NMU: variants seen among roughly 807,000 people sequenced by gnomAD.
The protein encoded by NMU is neuromedin-U.
In NMU, 29 loss-of-function variants were observed where a neutral mutation model predicts 35.4. The ratio of observed to expected loss-of-function variants is 0.82; its 90% CI spans 0.61 to 1.12. The LOEUF is 1.12. NMU is among the 50% of genes most tolerant of loss of function. NMU has a pLI of 0.00. For missense variants in NMU, 199 were observed against 206.2 expected, an observed-to-expected ratio of 0.97 and a Z score of 0.21; for synonymous variants, 78 against 81.3, an observed-to-expected ratio of 0.96 and a Z score of 0.22.
Position 55,616,400 on chromosome 4 carries a change from A to G in NMU, c.172-15T>C. 1 of 1,601,006 alleles carries G rather than the reference A, an allele frequency of 6.2e-7. No individual in the cohort carries two copies. The highest frequency in any genetic ancestry group is 8.6e-7 in the Non-Finnish European group (1 of 1,168,080). ...GTATCATCTATCTGTAGAAAACAAA[A>G]ATGTCAGTTACATCCTGGGAATGGA... is the stretch of plus-strand genomic sequence containing the variant. On this transcript the variant is annotated splice_polypyrimidine_tract_variant and intron_variant, in intron 2 of 9. Coordinates refer to ENST00000264218, the MANE Select transcript of NMU (RefSeq NM_006681.4).
chr4:55,636,453 C>G (rs1715938318), upstream of NMU: 2 of 440,678 alleles, frequency 4.5e-6, no homozygotes, highest in East Asian at 4.0e-5. The surrounding 1 kb of genome is among the most constrained non-coding windows in gnomAD (Gnocchi z 4.0). Context: ...CAGCAGGACC[C>G]GAGCCCCCTA....
chr4:55,596,533 G>T (rs1327705287), intron 9 of NMU, among the ~76,000 whole-genome samples: 1 of 151,710 alleles, frequency 6.6e-6, no homozygotes, highest in Non-Finnish European at 1.5e-5. Flanking sequence ...TATTATAAAA[G>T]ATAAAATAGT....
chr4:55,630,801 A>AT (rs1734723957), intron 1 of NMU, among the ~76,000 whole-genome samples: 1 of 152,124 alleles, frequency 6.6e-6, no homozygotes, highest in Non-Finnish European at 1.5e-5. Context: ...AAACACCAAC[A>AT]TCATTTTTTA....
chr4:55,635,754 CG>C (rs1008661501), intron 1 of NMU, among the ~76,000 whole-genome samples: 102 of 152,374 alleles, frequency 6.7e-4, no homozygotes, highest in Admixed American at 2.4e-3. Flanking sequence ...CCCGTTTCCA[CG>C]GGCCGGGGGG....
rs1560513427 is a variant in NMU, at chr4:55,603,939, A to ATATATGTGTATATATATACG, written c.435+1335_435+1336insCGTATATATATACACATATA. On this transcript the variant is annotated intron_variant, in intron 7 of 9. Transcript: ENST00000264218. ...AAAAAAAAAAAAAATATATATATAT[A>ATATATGTGTATATATATACG]TATATATGTATATATGTGTATATAT... Among the ~76,000 whole-genome samples the ATATATGTGTATATATATACG allele has an allele frequency of 5.0e-4, 32 of 63,842 alleles. 3 individuals carry two copies. Among genetic ancestry groups the ATATATGTGTATATATATACG allele is most frequent in the African/African-American group, 1.8e-3 (30 of 16,392 alleles). The allele number at this position is 63,842 out of a possible 152,430, so 41.9% of individuals were successfully genotyped here.
intron 1 of NMU, among the ~76,000 whole-genome samples, chr4:55,632,434 G>T (rs1178906780): frequency 1.3e-5 from 2 of 152,072 alleles, no homozygotes; most frequent in African/African-American, 4.8e-5. Flanking sequence ...ACTTATAAAG[G>T]TCATGCAGTC....
At chr4:55,631,718 A>G (rs1482805079) in intron 1 of NMU, among the ~76,000 whole-genome samples, 2 of 152,240 alleles carry the variant, frequency 1.3e-5, no homozygotes, top group East Asian at 1.9e-4. Context: ...ACTGGTGGGA[A>G]TGTAAACTAG....
chr4:55,610,796 G>A (rs536449936), intron 3 of NMU, among the ~76,000 whole-genome samples: 29 of 152,224 alleles, frequency 1.9e-4, no homozygotes, highest in African/African-American at 2.6e-4. Context: ...GATAGAATGC[G>A]TATACAATGA....
chr4:55,626,348 T>C (rs2110209367), intron 2 of NMU, among the ~76,000 whole-genome samples: 1 of 152,360 alleles, frequency 6.6e-6, no homozygotes, highest in East Asian at 1.9e-4. Context: ...TCCAATTGAT[T>C]TGGTGTAGTT....
At chr4:55,602,832 A>G (rs1283267050) in intron 7 of NMU, among the ~76,000 whole-genome samples, 1 of 152,202 alleles carries the variant, frequency 6.6e-6, no homozygotes, top group African/African-American at 2.4e-5. Flanking sequence ...AAGAATGTGA[A>G]GATTCTAGGG....
chr4:55,615,366 C>G (rs73236164), intron 3 of NMU, among the ~76,000 whole-genome samples: 7,567 of 152,294 alleles, frequency 0.05, 232 homozygotes, highest in Non-Finnish European at 0.075. Flanking sequence ...TTGGTCTCTG[C>G]CCTGTGGCTG....
intron 9 of NMU, among the ~76,000 whole-genome samples, chr4:55,597,858 T>C (rs558758250): frequency 3.3e-5 from 5 of 152,236 alleles, no homozygotes; most frequent in African/African-American, 7.2e-5. Context: ...ATTTCTTCTC[T>C]GTTTTAATTT....
At chr4:55,632,631 A>C (rs11729111) in intron 1 of NMU, among the ~76,000 whole-genome samples, 7,718 of 152,282 alleles carry the variant, frequency 0.051, 240 homozygotes, top group Non-Finnish European at 0.076. Context: ...GAAGGGATAA[A>C]GCTGTGCTTC....
chr4:55,636,105 C>CGAG lies in NMU; in HGVS notation c.85_87dup (p.Leu29dup), dbSNP rs778695994. ...CCTCGGCAGGCGCCCGCGCACCAGG[C>CGAG]GAGCAGCAGCAGCAGCAGCAGGAGC... On this transcript the variant is annotated inframe_insertion, in exon 1 of 10. Transcript: ENST00000264218. This position sits in a 1 kb window ranked among gnomAD's most constrained non-coding sequence, Gnocchi z 4.0. The CGAG allele has an allele frequency of 6.5e-7, 1 of 1,530,410 alleles. No individual in the cohort carries two copies. The highest frequency in any genetic ancestry group is 1.2e-5 in the South Asian group (1 of 83,808). 94.8% of individuals were successfully genotyped at this position (1,530,410 alleles called of 1,614,324 possible).
intron 6 of NMU, 53 bp from the exon 7 acceptor site, chr4:55,605,402 C>A (rs1733639361): frequency 1.6e-6 from 2 of 1,235,374 alleles, no homozygotes; most frequent in Non-Finnish European, 2.4e-6. Flanking sequence ...TCAGCAGTGG[C>A]CATCAAGACG....
intron 1 of NMU, among the ~76,000 whole-genome samples, chr4:55,634,122 C>T (rs535796601): frequency 3.3e-5 from 5 of 152,162 alleles, no homozygotes; most frequent in African/African-American, 9.6e-5. Context: ...TGTTGTTTTT[C>T]GAGGCATCCA....
intron 2 of NMU, among the ~76,000 whole-genome samples, chr4:55,617,229 A>G (rs1030634284): frequency 2.6e-5 from 4 of 152,052 alleles, no homozygotes; most frequent in Non-Finnish European, 4.4e-5. Context: ...GGATTATTAT[A>G]CTCTACTGTC....
rs1204269533 is a variant in NMU at position 55,636,178 on chromosome 4, C to T, written c.15G>A (p.Glu5=). ...CGGCGGGCGACCTGGGGCGGCAGCT[C>T]TCTGTTCGCAGCATCTCGGCGGCTG... MLRT[E]SCRPRSPAGQ... The change falls in exon 1 of 10, where the codon GAG becomes GAA. Residue 5 remains glutamate (E), a synonymous_variant. Transcript: ENST00000264218. The surrounding 1 kb of genome is among the most constrained non-coding windows in gnomAD (Gnocchi z 4.0). 2 of 1,506,058 alleles carry T rather than the reference C, an allele frequency of 1.3e-6. No homozygotes were observed. Among genetic ancestry groups the T allele is most frequent in the South Asian group, 1.3e-5 (1 of 78,916 alleles). The allele number at this position is 1,506,058 out of a possible 1,614,324, so 93.3% of individuals were successfully genotyped here. A position where few individuals can be genotyped will look rare whatever the true frequency, so the allele number is the denominator to read the frequency against.
At chr4:55,610,764 G>A (rs184478366) in intron 3 of NMU, among the ~76,000 whole-genome samples, 1 of 152,222 alleles carries the variant, frequency 6.6e-6, no homozygotes, top group African/African-American at 2.4e-5. Context: ...CCACATAAGG[G>A]CATGTCAGTC....
Sources: gnomAD v4.1 joint callset for allele counts (sites outside exome capture counted in the v4.1 genomes callset) on GRCh38, gnomAD v4.1.1 for gene constraint, Gnocchi (gnomAD v3.1) non-coding constraint, MANE v1.5 for transcripts, NCBI Gene and HGNC (gene_info 2026-07-23, HGNC 2026-07-21) for gene names.